MID1: variants seen among roughly 807,000 people sequenced by gnomAD.
The protein encoded by MID1 is E3 ubiquitin-protein ligase Midline-1.
Under a neutral mutation model 40.4 loss-of-function variants are expected in MID1, and 7 were observed. The ratio of observed to expected loss-of-function variants is 0.17; its 90% CI spans 0.10 to 0.33. The LOEUF is 0.33. Among genes scored for constraint, MID1 ranks in the 10% least tolerant of loss-of-function variants. The pLI is 1.00. For missense variants in MID1, 367 were observed against 558.5 expected, an observed-to-expected ratio of 0.66 and a Z score of 3.46; for synonymous variants, 229 against 221.2, an observed-to-expected ratio of 1.04 and a Z score of -0.31.
chrX:10,775,870 A>G (rs2043799430), intron 1 of MID1, among the ~76,000 whole-genome samples: 1 of 111,618 alleles, frequency 9.0e-6, no homozygotes, highest in South Asian at 3.8e-4. Context: ...AGGCTTTTAA[A>G]CCTCAGGTTC....
chrX:10,622,723 T>C (rs746562203), upstream of MID1, among the ~76,000 whole-genome samples: 6 of 111,305 alleles, frequency 5.4e-5, no homozygotes, highest in East Asian at 1.7e-3. Flanking sequence ...CTGTTGTTTA[T>C]AAATGACCCA....
At chrX:10,697,499 G>C (rs2043169162) in intron 1 of MID1, among the ~76,000 whole-genome samples, 1 of 111,964 alleles carries the variant, frequency 8.9e-6, no homozygotes, top group African/African-American at 3.2e-5. Context: ...ATGATTGCCT[G>C]TGTGCATTCA....
intron 1 of MID1, among the ~76,000 whole-genome samples, chrX:10,657,455 T>C (rs1203099787): frequency 8.9e-6 from 1 of 111,779 alleles, no homozygotes. Context: ...ATGATGATGA[T>C]CAGAACCAGC....
intron 1 of MID1, among the ~76,000 whole-genome samples, chrX:10,723,424 A>G (rs1311226069): frequency 8.9e-6 from 1 of 112,763 alleles, no homozygotes; most frequent in South Asian, 3.6e-4. Context: ...TCATAAAAGG[A>G]ATTTGTCACA....
chrX:10,504,585 C>A (rs978373550), intron 3 of MID1, among the ~76,000 whole-genome samples: 1 of 111,596 alleles, frequency 9.0e-6, no homozygotes, highest in African/African-American at 3.2e-5. Flanking sequence ...TTTGATGCAT[C>A]TACATCATCA....
intron 1 of MID1, among the ~76,000 whole-genome samples, chrX:10,602,588 G>A (rs1410465583): frequency 9.0e-6 from 1 of 111,550 alleles, no homozygotes; most frequent in Non-Finnish European, 1.9e-5. Context: ...CTTTGTGACT[G>A]GCTTCTCTCA....
intron 1 of MID1, among the ~76,000 whole-genome samples, chrX:10,583,219 T>C (rs902269255): frequency 4.5e-5 from 5 of 111,174 alleles, no homozygotes; most frequent in Admixed American, 9.5e-5. Flanking sequence ...ATGAAGGAAA[T>C]AAAAAAATAA....
At position 10,446,918 on chromosome X, in the gene MID1, T is replaced by A. The variant is rs1928065704; in HGVS notation, c.*2450A>T. 9.0e-6 allele frequency: 1 copy of A among 111,551 alleles called. No individual in the cohort carries two copies. The highest frequency in any genetic ancestry group is 3.3e-5 in the African/African-American group (1 of 30,528). The allele number at this position is 111,551 out of a possible 1,213,427, so 9.2% of individuals were successfully genotyped here. A position where few individuals can be genotyped will look rare whatever the true frequency, so the allele number is the denominator to read the frequency against. On this transcript the variant is annotated 3_prime_UTR_variant, in exon 10 of 10. Transcript: ENST00000317552. ...TGTTTCCTGTGGTGAGGACCCCAAA[T>A]AATAAAATACTGTGACCTCAATCAG...
intron 7 of MID1, among the ~76,000 whole-genome samples, chrX:10,468,893 C>G (rs749780397): frequency 9.0e-6 from 1 of 111,687 alleles, no homozygotes; most frequent in African/African-American, 3.2e-5. Flanking sequence ...TTTATTAAAT[C>G]CTTTCTTTTA....
chrX:10,648,030 T>C (rs1936279651), intron 1 of MID1, among the ~76,000 whole-genome samples: 1 of 112,287 alleles, frequency 8.9e-6, no homozygotes, highest in Non-Finnish European at 1.9e-5. Flanking sequence ...CCATCACCTC[T>C]GGCAGAAAAA....
At chrX:10,510,655 AT>A (rs1409010079) in intron 3 of MID1, among the ~76,000 whole-genome samples, 6 of 107,760 alleles carry the variant, frequency 5.6e-5, no homozygotes, top group Middle Eastern at 9.8e-3. Flanking sequence ...ACTTGGCGAA[AT>A]CCCGGTCTCT....
In MID1 at chrX:10,786,575, G is replaced by C. The variant is rs1272700326; in HGVS notation, c.-187+46979C>G. Among the ~76,000 whole-genome samples the C allele has an allele frequency of 4.5e-5, 5 of 110,730 alleles. No individual in the cohort carries two copies. The East Asian group carries it at 1.4e-3, about 31-fold the overall frequency. ...AAAGACTTGGAACCAACCCAAATGT[G>C]CAACAATGATAGACTGGATGAAAAA... is the stretch of plus-strand genomic sequence containing the variant. On this transcript the variant is annotated intron_variant, in intron 1 of 10. Coordinates refer to the MID1 transcript ENST00000380785.
Position 10,760,319 on chromosome X carries a change from C to T in MID1, c.-187+73235G>A, listed in dbSNP as rs547852860. Among the ~76,000 whole-genome samples the T allele has an allele frequency of 9.9e-4, 111 of 111,614 alleles. No homozygotes were observed. In the South Asian group the frequency reaches 0.011, roughly 11 times the overall value. On this transcript the variant is annotated intron_variant, in intron 1 of 10. Transcript: ENST00000380785. The stretch of plus-strand genomic sequence containing the variant: ...CTTCTGCTGGTTTGCTTAATTGAAT[C>T]CCCCTCTCTCTAAAGATATAAGAAT...
chrX:10,483,391 C>T (rs754240426), intron 4 of MID1, among the ~76,000 whole-genome samples: 6 of 112,020 alleles, frequency 5.4e-5, no homozygotes, highest in Non-Finnish European at 1.1e-4. Flanking sequence ...GATTCTGTCT[C>T]GCTTGAAAAT....
chrX:10,528,658 C>T (rs371832205), intron 2 of MID1, among the ~76,000 whole-genome samples: 12 of 111,936 alleles, frequency 1.1e-4, no homozygotes, highest in African/African-American at 2.3e-4. Context: ...TTGTTTGCCA[C>T]GCCCCCAGCC....
At chrX:10,455,149 A>G in intron 8 of MID1, 72 bp from the exon 9 acceptor site, 1 of 956,619 alleles carries the variant, frequency 1.0e-6, no homozygotes, top group South Asian at 2.0e-5. Flanking sequence ...CCAATAGCAT[A>G]TTTTCAAAAT....
intron 1 of MID1, among the ~76,000 whole-genome samples, chrX:10,640,501 C>A (rs1010955143): frequency 4.5e-5 from 5 of 111,240 alleles, no homozygotes; most frequent in African/African-American, 1.6e-4. Context: ...ACAGGAGCAC[C>A]CAGATTCATA....
At chrX:10,558,437 C>A (rs1934208830) in intron 2 of MID1, among the ~76,000 whole-genome samples, 1 of 113,042 alleles carries the variant, frequency 8.8e-6, no homozygotes, top group African/African-American at 3.2e-5. Flanking sequence ...TCGTCTAATG[C>A]ATCAATTCTG....
At chrX:10,465,262 T>C (rs75465623) in intron 7 of MID1, among the ~76,000 whole-genome samples, 209 of 54,123 alleles carry the variant, frequency 3.9e-3, no homozygotes, top group Middle Eastern at 0.018. Flanking sequence ...CACACACACA[T>C]ACATATATGA....
Sources: gnomAD v4.1 joint callset for allele counts (sites outside exome capture counted in the v4.1 genomes callset) on GRCh38, gnomAD v4.1.1 for gene constraint, MANE v1.5 for transcripts, NCBI Gene and HGNC (gene_info 2026-07-23, HGNC 2026-07-21) for gene names.